The following LDAH variants were observed in gnomAD, a reference collection of about 807,000 sequenced individuals.
LDAH encodes the protein lipid droplet-associated hydrolase.
A neutral mutation model predicts 29.6 loss-of-function variants in LDAH; 26 were observed. The ratio of observed to expected loss-of-function variants is 0.88; its 90% CI spans 0.64 to 1.22. The LOEUF is 1.22. Ranked by LOEUF, LDAH falls within the 50% of genes most tolerant of loss-of-function variation. The probability of loss-of-function intolerance (pLI) is 0.00; values close to 1 mark genes in which losing one functional copy is unlikely to be tolerated. For synonymous variants in LDAH, 117 were observed against 133.0 expected, an observed-to-expected ratio of 0.88 and a Z score of 0.83; for missense variants, 344 against 387.3, an observed-to-expected ratio of 0.89 and a Z score of 0.94.
At chr2:20,732,054 T>C (rs1198811498) in intron 5 of LDAH, among the ~76,000 whole-genome samples, 3 of 152,190 alleles carry the variant, frequency 2.0e-5, no homozygotes, top group Admixed American at 2.0e-4. Context: ...ATAAGAGTGC[T>C]GAGAGCAGAC....
At chr2:20,748,178 T>C (rs566442598) in intron 4 of LDAH, among the ~76,000 whole-genome samples, 1 of 152,230 alleles carries the variant, frequency 6.6e-6, no homozygotes, top group Admixed American at 6.5e-5. Context: ...CATTTTAGTA[T>C]GTTTCAGTTA....
chr2:20,762,345 T>C (rs139019577), intron 4 of LDAH, among the ~76,000 whole-genome samples: 58 of 152,286 alleles, frequency 3.8e-4, no homozygotes, highest in African/African-American at 1.4e-3. Flanking sequence ...TGATAATACA[T>C]GGTCATTATA....
chr2:20,776,318 G>A (rs372866547), intron 3 of LDAH, among the ~76,000 whole-genome samples: 4 of 152,080 alleles, frequency 2.6e-5, no homozygotes, highest in Admixed American at 2.0e-4. Context: ...TCTCCTCTGA[G>A]AGACCTTTTT....
At chr2:20,784,596 T>G (rs966291258) in intron 3 of LDAH, among the ~76,000 whole-genome samples, 3 of 152,088 alleles carry the variant, frequency 2.0e-5, no homozygotes, top group Admixed American at 6.6e-5. Context: ...TAAAAAAATT[T>G]TTTTTTGGCT....
intron 4 of LDAH, among the ~76,000 whole-genome samples, chr2:20,762,771 A>G (rs915778979): frequency 6.6e-6 from 1 of 152,210 alleles, no homozygotes; most frequent in African/African-American, 2.4e-5. Flanking sequence ...ATTTATTGTA[A>G]GAAATTAACC....
rs895308292 is a variant in LDAH, at chr2:20,686,777, G to A, written c.*126C>T. On this transcript the variant is annotated 3_prime_UTR_variant, in exon 7 of 7. Coordinates refer to ENST00000237822, the MANE Select transcript of LDAH (RefSeq NM_021925.4). ...AACATGGCGAGCGGAGAGTTGGTTT[G>A]TAAGACAAAGGTTCTCACTTTCTTC... 3 of 866,108 alleles carry A rather than the reference G, an allele frequency of 3.5e-6. No homozygotes were observed. Among genetic ancestry groups the A allele is most frequent in the Non-Finnish European group, 5.3e-6 (3 of 565,422 alleles). 53.7% of individuals were successfully genotyped at this position (866,108 alleles called of 1,614,324 possible). A position where few individuals can be genotyped will look rare whatever the true frequency, so the allele number is the denominator to read the frequency against.
At chr2:20,736,012 G>A (rs1284561916) in intron 5 of LDAH, among the ~76,000 whole-genome samples, 3 of 152,154 alleles carry the variant, frequency 2.0e-5, no homozygotes, top group East Asian at 1.9e-4. Flanking sequence ...GGACAGTACC[G>A]TAGAGCAGGG....
intron 3 of LDAH, among the ~76,000 whole-genome samples, chr2:20,788,510 C>G (rs1447924879): frequency 6.6e-6 from 1 of 152,136 alleles, no homozygotes; most frequent in East Asian, 1.9e-4. Flanking sequence ...TATGTTCAAC[C>G]TTGTACATCA....
At position 20,725,673 on chromosome 2, in the gene LDAH, CAT is replaced by C. The variant is rs554324185; in HGVS notation, c.703+14296_703+14297del. Among the ~76,000 whole-genome samples the C allele has an allele frequency of 6.4e-3, 975 of 152,342 alleles. 7 individuals are homozygous for C. The highest frequency in any genetic ancestry group is 0.01 in the Middle Eastern group (3 of 294). On this transcript the variant is annotated intron_variant, in intron 5 of 6. Transcript: ENST00000237822. The stretch of plus-strand genomic sequence containing the variant: ...CTACTGAGTCATGGGGAAATCAAAA[CAT>C]ATGGCTTTTCTCTATTCCTCAGAGT...
intron 5 of LDAH, among the ~76,000 whole-genome samples, chr2:20,722,780 G>C (rs114297677): frequency 0.023 from 3,505 of 152,232 alleles, 133 homozygotes; most frequent in African/African-American, 0.08. Context: ...AACACCATCA[G>C]ATGGCACTAT....
chr2:20,806,193 G>C (rs1672057279), intron 1 of LDAH, among the ~76,000 whole-genome samples: 1 of 152,074 alleles, frequency 6.6e-6, no homozygotes, highest in Non-Finnish European at 1.5e-5. Context: ...TTCTTTCCAA[G>C]TTAAAGTACC....
At chr2:20,795,493 C>T (rs1182289974) in intron 2 of LDAH, among the ~76,000 whole-genome samples, 1 of 152,108 alleles carries the variant, frequency 6.6e-6, no homozygotes, top group Non-Finnish European at 1.5e-5. Flanking sequence ...ATTCAGTGTA[C>T]TCTATGGTGA....
At chr2:20,796,401 CTCT>C (rs535370478) in intron 2 of LDAH, among the ~76,000 whole-genome samples, 51 of 152,124 alleles carry the variant, frequency 3.4e-4, no homozygotes, top group Admixed American at 6.6e-4. Flanking sequence ...TTACAACAAC[CTCT>C]TCTTCTTTAA....
intron 1 of LDAH, among the ~76,000 whole-genome samples, chr2:20,820,737 A>G (rs536148837): frequency 0.015 from 2,181 of 142,344 alleles, 29 homozygotes; most frequent in Middle Eastern, 0.038. Flanking sequence ...ACCAAAAGCA[A>G]TGGCAACAAA....
At chr2:20,817,996 C>G (rs1055667672) in intron 1 of LDAH, among the ~76,000 whole-genome samples, 10 of 152,132 alleles carry the variant, frequency 6.6e-5, no homozygotes, top group Non-Finnish European at 1.2e-4. Flanking sequence ...AAGGAGGCAG[C>G]ATAAGGGAGC....
intron 6 of LDAH, among the ~76,000 whole-genome samples, chr2:20,691,823 T>C (rs1204117419): frequency 6.6e-6 from 1 of 152,240 alleles, no homozygotes; most frequent in African/African-American, 2.4e-5. Flanking sequence ...TCCAGAACCA[T>C]GCTTTGGCTT....
At chr2:20,762,512 A>G (rs1307988315) in intron 4 of LDAH, among the ~76,000 whole-genome samples, 3 of 152,164 alleles carry the variant, frequency 2.0e-5, no homozygotes, top group Non-Finnish European at 4.4e-5. Context: ...TTTCTTTTAG[A>G]CTATGTAATA....
intron 5 of LDAH, among the ~76,000 whole-genome samples, chr2:20,737,665 A>G (rs1244695351): frequency 6.6e-6 from 1 of 152,138 alleles, no homozygotes; most frequent in Non-Finnish European, 1.5e-5. Flanking sequence ...CCAAAATGAG[A>G]GTTGAGGGTT....
chr2:20,735,374 C>G (rs1666702710), intron 5 of LDAH, among the ~76,000 whole-genome samples: 1 of 151,840 alleles, frequency 6.6e-6, no homozygotes, highest in Non-Finnish European at 1.5e-5. Context: ...TTCACTGATT[C>G]TTTCCTCTTT....
Sources: allele counts gnomAD v4.1 joint callset (sites outside exome capture counted in the v4.1 genomes callset), GRCh38; gene constraint gnomAD v4.1.1; transcripts MANE v1.5; gene names NCBI Gene and HGNC (gene_info 2026-07-23, HGNC 2026-07-21).